VNN2: variants seen among roughly 807,000 people sequenced by gnomAD.
The protein encoded by VNN2 is pantetheine hydrolase VNN2.
Under a neutral mutation model 43.0 loss-of-function variants are expected in VNN2, and 43 were observed. That is an observed-to-expected ratio of 1.00 (90% CI 0.78 to 1.29). VNN2 has a LOEUF of 1.29. Ranked by LOEUF, VNN2 falls within the 50% of genes most tolerant of loss-of-function variation. The probability of loss-of-function intolerance (pLI) is 0.00; values close to 1 mark genes in which losing one functional copy is unlikely to be tolerated. For missense variants in VNN2, 652 were observed against 619.7 expected (o/e 1.05, Z -0.55); for synonymous variants, 230 against 224.3 (o/e 1.03, Z -0.23).
At chr6:132,758,001 TTCTTCTTC>T (rs1562253976), upstream of VNN2, 10 of 165,652 alleles carry the variant, frequency 6.0e-5, 1 homozygote, top group Admixed American at 3.3e-4. Context: ...ATCATCATTT[TTCTTCTTC>T]TTCTTCTTCT....
Position 132,757,475 on chromosome 6 carries a change from A to C in VNN2, c.285T>G (p.Pro95=). Residue 95 remains proline (P), a synonymous_variant, in exon 2 of 7, where the codon CCT becomes CCG. Coordinates refer to ENST00000326499, the MANE Select transcript of VNN2 (RefSeq NM_004665.6). ...GWKFTRETVF[P]YLEDIPDPQV... ...GAGGGTCTGGGATATCCTCCAGATA[A>C]GGGAAAACAGTTTCCCTGGTAAATT... 1 of 1,613,984 alleles carries C rather than the reference A, an allele frequency of 6.2e-7. No homozygotes were observed. Among genetic ancestry groups the C allele is most frequent in the Non-Finnish European group, 8.5e-7 (1 of 1,179,894 alleles).
At chr6:132,750,940 T>C (rs1780033765) in intron 5 of VNN2, among the ~76,000 whole-genome samples, 1 of 152,206 alleles carries the variant, frequency 6.6e-6, no homozygotes, top group Admixed American at 6.6e-5. Flanking sequence ...AATAAGATTA[T>C]ACTTAATTCC....
intron 2 of VNN2, among the ~76,000 whole-genome samples, chr6:132,756,710 T>C (rs1382852225): frequency 6.6e-6 from 1 of 152,228 alleles, no homozygotes; most frequent in Non-Finnish European, 1.5e-5. Flanking sequence ...CACTAGAATT[T>C]CCTAGTGCTC....
At chr6:132,754,052 G>A (rs1452123905) in intron 3 of VNN2, 1 of 151,982 alleles carries the variant, frequency 6.6e-6, no homozygotes, top group African/African-American at 2.4e-5. Flanking sequence ...GGTCCCTGAG[G>A]TACCCTCAGG....
At chr6:132,757,644 T>A (rs370928091) in intron 1 of VNN2, 27 bp downstream of exon 1, 110 of 1,611,644 alleles carry the variant, frequency 6.8e-5, no homozygotes, top group East Asian at 3.6e-4. Flanking sequence ...CTCGTGTACA[T>A]TATGATTAAC....
chr6:132,750,659 C>T (rs1780011445), intron 5 of VNN2, among the ~76,000 whole-genome samples: 1 of 134,766 alleles, frequency 7.4e-6, no homozygotes, highest in Admixed American at 7.7e-5. Context: ...GTGAAATTGT[C>T]TCAAAAAAAA....
intron 3 of VNN2, among the ~76,000 whole-genome samples, chr6:132,754,162 G>A (rs539130534): frequency 3.3e-5 from 5 of 152,038 alleles, no homozygotes; most frequent in Non-Finnish European, 7.4e-5. Flanking sequence ...TTACAGAATG[G>A]CAGAATAGCT....
Position 132,744,142 on chromosome 6 carries a change from A to G in VNN2, c.*158T>C, listed in dbSNP as rs1779579995. On this transcript the variant is annotated 3_prime_UTR_variant, in exon 7 of 7. Coordinates refer to ENST00000326499, the MANE Select transcript of VNN2 (RefSeq NM_004665.6). ...AGCCAAAAAAATGGACAACATTATCATAATACTTAAAAAATAATTATTGAT... is the reference window on the plus strand; with the variant it reads ...AGCCAAAAAAATGGACAACATTATCGTAATACTTAAAAAATAATTATTGAT... 3.3e-6 allele frequency: 2 copies of G among 605,076 alleles called. No homozygotes were observed. The highest frequency in any genetic ancestry group is 1.9e-5 in the African/African-American group (1 of 51,400). 37.5% of individuals were successfully genotyped at this position (605,076 alleles called of 1,614,324 possible). A position where few individuals can be genotyped will look rare whatever the true frequency, so the allele number is the denominator to read the frequency against.
At chr6:132,754,514 A>G (rs1780337388) in intron 3 of VNN2, among the ~76,000 whole-genome samples, 1 of 152,168 alleles carries the variant, frequency 6.6e-6, no homozygotes, top group African/African-American at 2.4e-5. Context: ...ATTTTAACTG[A>G]GACTGCCAGG....
At chr6:132,749,015 T>A (rs1779890735) in intron 6 of VNN2, among the ~76,000 whole-genome samples, 1 of 152,238 alleles carries the variant, frequency 6.6e-6, no homozygotes, top group Non-Finnish European at 1.5e-5. Context: ...ACAAACATTC[T>A]TCAATGAATG....
Position 132,757,665 on chromosome 6 carries a change from G to A in VNN2, c.213+6C>T. On this transcript the variant is annotated splice_donor_region_variant and intron_variant, in intron 1 of 6. Transcript: ENST00000326499. Reference sequence around the variant, plus strand: ...TACATTATGATTAACAGAAATAAGAGAATACCTGCTCAGCTGCCTGCTTGA... The same window carrying A: ...TACATTATGATTAACAGAAATAAGAAAATACCTGCTCAGCTGCCTGCTTGA... 1.2e-6 allele frequency: 2 copies of A among 1,613,480 alleles called. No homozygotes were observed. The highest frequency in any genetic ancestry group is 1.7e-6 in the Non-Finnish European group (2 of 1,179,522).
chr6:132,751,538 C>G lies in VNN2; in HGVS notation c.827-20G>C. 1 of 1,582,754 alleles carries G rather than the reference C, an allele frequency of 6.3e-7. No homozygotes were observed. The highest frequency in any genetic ancestry group is 8.6e-7 in the Non-Finnish European group (1 of 1,165,430). ...CACTTCCTGTGAATGAAAGACAAGT[C>G]TTCTAAAAACAACACCACACACAAA... On this transcript the variant is annotated intron_variant, in intron 4 of 6. Coordinates refer to ENST00000326499, the MANE Select transcript of VNN2 (RefSeq NM_004665.6).
At chr6:132,751,638 G>T in intron 4 of VNN2, 120 bp from the exon 5 acceptor site, 2 of 1,213,876 alleles carry the variant, frequency 1.6e-6, no homozygotes, top group South Asian at 1.5e-5. Flanking sequence ...GATGAGAGAG[G>T]ATACATGCTT....
At chr6:132,749,671 A>G (rs1223102241) in intron 6 of VNN2, 24 bp downstream of exon 6, 3 of 1,591,942 alleles carry the variant, frequency 1.9e-6, no homozygotes, top group Non-Finnish European at 2.6e-6. Context: ...TAAAATGAAA[A>G]TACTCTTATA....
chr6:132,751,175 T>G lies in VNN2; in HGVS notation c.1170A>C (p.Leu390Phe). 6.2e-7 allele frequency: 1 copy of G among 1,610,866 alleles called. No homozygotes were observed. The highest frequency in any genetic ancestry group is 8.5e-7 in the Non-Finnish European group (1 of 1,178,772). Residue 390 changes from leucine to phenylalanine, a missense_variant, in exon 5 of 7, where the codon TTA becomes TTC. Coordinates refer to ENST00000326499, the MANE Select transcript of VNN2 (RefSeq NM_004665.6). Reference protein sequence around the residue: ...EVYVLGAFTGLHGRRRREYWQ... With the variant: ...EVYVLGAFTGFHGRRRREYWQ... ...AGTACTCTCTTCTCCTTCGGCCATG[T>G]AATCCTGTAAAAGCTCCTAGAACGT...
intron 6 of VNN2, among the ~76,000 whole-genome samples, chr6:132,749,160 C>G (rs188974514): frequency 6.6e-6 from 1 of 152,032 alleles, no homozygotes. Context: ...GTCCTTTTGC[C>G]GTGTGATTTT....
intron 2 of VNN2, 130 bp downstream of exon 2, chr6:132,757,286 A>T: frequency 3.5e-6 from 4 of 1,149,220 alleles, no homozygotes; most frequent in Non-Finnish European, 4.6e-6. Context: ...AAAATCTGAC[A>T]AATGTTGAGA....
upstream of VNN2, among the ~76,000 whole-genome samples, chr6:132,761,691 C>T (rs193243646): frequency 1.3e-5 from 2 of 152,164 alleles, no homozygotes; most frequent in East Asian, 3.9e-4. Context: ...AAACGAAAAA[C>T]AGTAATAGCT....
chr6:132,758,976 A>C (rs1163196335), upstream of VNN2, among the ~76,000 whole-genome samples: 5 of 135,778 alleles, frequency 3.7e-5, no homozygotes, highest in Non-Finnish European at 6.2e-5. Context: ...TTCTCCTCCT[A>C]CTCCTTCTCC....
Sources: gnomAD v4.1 joint callset for allele counts (sites outside exome capture counted in the v4.1 genomes callset) on GRCh38, gnomAD v4.1.1 for gene constraint, MANE v1.5 for transcripts, NCBI Gene and HGNC (gene_info 2026-07-23, HGNC 2026-07-21) for gene names.